GPC6: variants seen among roughly 807,000 people sequenced by gnomAD.
The protein encoded by GPC6 is glypican-6.
Under a neutral mutation model 55.2 loss-of-function variants are expected in GPC6, and 14 were observed. That is an observed-to-expected ratio of 0.25 (90% CI 0.17 to 0.40). GPC6 has a LOEUF of 0.40. GPC6 is among the 10% of genes least tolerant of loss of function. The pLI is 1.00. For synonymous variants in GPC6, 278 were observed against 259.6 expected (o/e 1.07, Z -0.68); for missense variants, 641 against 708.5 (o/e 0.90, Z 1.08).
intron 2 of GPC6, among the ~76,000 whole-genome samples, chr13:93,594,852 T>G (rs555470708): frequency 6.6e-6 from 1 of 151,414 alleles, no homozygotes; most frequent in Non-Finnish European, 1.5e-5. Flanking sequence ...TGGGCCTGTT[T>G]TAGAAGTGCA....
intron 4 of GPC6, among the ~76,000 whole-genome samples, chr13:94,236,644 G>C (rs1890886143): frequency 6.6e-6 from 1 of 152,176 alleles, no homozygotes; most frequent in African/African-American, 2.4e-5. Flanking sequence ...AAGTAACTTT[G>C]AGCTGGTTAT....
intron 3 of GPC6, among the ~76,000 whole-genome samples, chr13:93,984,254 G>T (rs1401733968): frequency 6.6e-6 from 1 of 152,008 alleles, no homozygotes; most frequent in Non-Finnish European, 1.5e-5. Flanking sequence ...GAGGAGGTGG[G>T]TGCTATTTTT....
chr13:94,301,362 A>G (rs1875640831), intron 5 of GPC6, among the ~76,000 whole-genome samples: 1 of 152,054 alleles, frequency 6.6e-6, no homozygotes, highest in Admixed American at 6.6e-5. Context: ...GTGCCATTGC[A>G]CTCCAGTCTG....
chr13:94,258,760 A>G (rs1461324157), intron 4 of GPC6, among the ~76,000 whole-genome samples: 1 of 152,214 alleles, frequency 6.6e-6, no homozygotes, highest in Non-Finnish European at 1.5e-5. Context: ...AGAGTAAACA[A>G]GATAATGGAG....
intron 2 of GPC6, among the ~76,000 whole-genome samples, chr13:93,735,508 A>G (rs764056381): frequency 1.7e-4 from 26 of 149,600 alleles, no homozygotes; most frequent in Non-Finnish European, 3.6e-4. Flanking sequence ...GTGACAGAGC[A>G]AGACTCCATC....
chr13:93,742,111 G>A (rs1433030679), intron 2 of GPC6, among the ~76,000 whole-genome samples: 1 of 152,118 alleles, frequency 6.6e-6, no homozygotes, highest in African/African-American at 2.4e-5. Flanking sequence ...CATGTACCAA[G>A]TTTGATATTT....
intron 4 of GPC6, among the ~76,000 whole-genome samples, chr13:94,150,233 CTGG>C (rs1887691377): frequency 6.6e-6 from 1 of 152,124 alleles, no homozygotes; most frequent in South Asian, 2.1e-4. Context: ...ATCTCTGGAA[CTGG>C]TCCACTTAAT....
intron 3 of GPC6, among the ~76,000 whole-genome samples, chr13:93,879,397 A>T (rs2140308361): frequency 6.6e-6 from 1 of 152,278 alleles, no homozygotes; most frequent in South Asian, 2.1e-4. Flanking sequence ...CAGAGCCCTC[A>T]GAAATAATGC....
intron 3 of GPC6, among the ~76,000 whole-genome samples, chr13:93,865,311 A>G (rs758520304): frequency 6.6e-6 from 1 of 151,712 alleles, no homozygotes; most frequent in Non-Finnish European, 1.5e-5. Context: ...TCTATTTTCA[A>G]TGATAAATGT....
At chr13:93,710,669 AT>A (rs1303921303) in intron 2 of GPC6, among the ~76,000 whole-genome samples, 1 of 150,810 alleles carries the variant, frequency 6.6e-6, no homozygotes, top group African/African-American at 2.4e-5. Flanking sequence ...CCTTGTGTAA[AT>A]TAATTTGTCA....
At chr13:93,922,325 CAT>C (rs1206773698) in intron 3 of GPC6, among the ~76,000 whole-genome samples, 1 of 152,130 alleles carries the variant, frequency 6.6e-6, no homozygotes, top group African/African-American at 2.4e-5. Context: ...CGGAAACAAA[CAT>C]AAATAGCAAG....
chr13:93,456,080 C>A (rs72640539), intron 1 of GPC6, among the ~76,000 whole-genome samples: 2,563 of 152,242 alleles, frequency 0.017, 25 homozygotes, highest in Non-Finnish European at 0.023. Flanking sequence ...CCTGAGGCAA[C>A]CTTGTGCGAG....
chr13:94,054,341 G>C (rs1221929750), intron 4 of GPC6, among the ~76,000 whole-genome samples: 1 of 152,202 alleles, frequency 6.6e-6, no homozygotes, highest in Non-Finnish European at 1.5e-5. Flanking sequence ...GCTGAGATGT[G>C]AACCTGAACA....
At chr13:94,149,757 T>C (rs1323446504) in intron 4 of GPC6, among the ~76,000 whole-genome samples, 1 of 151,968 alleles carries the variant, frequency 6.6e-6, no homozygotes, top group African/African-American at 2.4e-5. Flanking sequence ...CAGGAAGGGT[T>C]AATACATCCC....
At chr13:93,509,709 A>G (rs1880873353) in intron 1 of GPC6, among the ~76,000 whole-genome samples, 1 of 152,206 alleles carries the variant, frequency 6.6e-6, no homozygotes, top group Non-Finnish European at 1.5e-5. Flanking sequence ...ATTTAACACC[A>G]TTTGTTCCAT....
chr13:94,335,241 A>ATAC (rs1457948212), intron 6 of GPC6, among the ~76,000 whole-genome samples: 1 of 152,224 alleles, frequency 6.6e-6, no homozygotes, highest in East Asian at 1.9e-4. Flanking sequence ...GATAGAGAGG[A>ATAC]TACTACCATA....
Position 94,136,477 on chromosome 13 carries a change from G to A in GPC6, c.877+108583G>A, listed in dbSNP as rs181180584. ...TGTGATCCCAGCACTTTGGGAGGCC[G>A]AGGCAGGCAGATCACGAGGTCAGGA... On this transcript the variant is annotated intron_variant, in intron 4 of 8. Transcript: ENST00000377047. Among the ~76,000 whole-genome samples, 50 of 152,284 alleles carry A rather than the reference G, an allele frequency of 3.3e-4. No homozygotes were observed. The East Asian group carries it at 8.9e-3, about 27-fold the overall frequency.
intron 4 of GPC6, among the ~76,000 whole-genome samples, chr13:94,279,956 G>T (rs1027251313): frequency 1.3e-5 from 2 of 152,134 alleles, no homozygotes; most frequent in Non-Finnish European, 2.9e-5. Context: ...ATGTCTATTA[G>T]GTCCACTTGA....
chr13:93,707,734 A>G (rs113559682), intron 2 of GPC6, among the ~76,000 whole-genome samples: 7 of 151,850 alleles, frequency 4.6e-5, no homozygotes, highest in African/African-American at 1.7e-4. Context: ...TAGATTCGTC[A>G]TTCTGCGATA....
Sources: gnomAD v4.1 joint callset for allele counts (sites outside exome capture counted in the v4.1 genomes callset) on GRCh38, gnomAD v4.1.1 for gene constraint, MANE v1.5 for transcripts, NCBI Gene and HGNC (gene_info 2026-07-23, HGNC 2026-07-21) for gene names.